NCS1: variants seen among roughly 807,000 people sequenced by gnomAD.
The protein encoded by NCS1 is frequenin homolog.
A neutral mutation model predicts 28.4 loss-of-function variants in NCS1; 6 were observed. The observed-to-expected ratio is 0.21, with a 90% CI of 0.12 to 0.42. The LOEUF is 0.42. Ranked by LOEUF, NCS1 falls within the 10% of genes least tolerant of loss-of-function variation. The pLI, the probability that NCS1 is intolerant of heterozygous loss-of-function variation, is 1.00. For synonymous variants in NCS1, 86 were observed against 99.3 expected (o/e 0.87, Z 0.79); for missense variants, 131 against 241.4 (o/e 0.54, Z 3.03).
chr9:130,200,470 GGGT>G, intron 1 of NCS1: 2 of 1,068,644 alleles, frequency 1.9e-6, no homozygotes, highest in South Asian at 1.4e-5. Flanking sequence ...CTGACAGGGA[GGGT>G]GGTCCACCCT....
Position 130,191,236 on chromosome 9 carries a change from G to A in NCS1, c.65-9722G>A, listed in dbSNP as rs1372224608. ...ATCCCTGCTGGACTGTGTGTCCCAA[G>A]CCGAGAGCCTGGCTTTAGAGGGCCT... On this transcript the variant is annotated intron_variant, in intron 1 of 7. Transcript: ENST00000372398. This position sits in a 1 kb window ranked among gnomAD's most constrained non-coding sequence, Gnocchi z 6.4. Among the ~76,000 whole-genome samples, 11 of 152,178 alleles carry A rather than the reference G, an allele frequency of 7.2e-5. No individual in the cohort carries two copies. The highest frequency in any genetic ancestry group is 2.7e-4 in the African/African-American group (11 of 41,450).
At chr9:130,190,032 A>AAGAGAGAGAGAGAGAG (rs34529294) in intron 1 of NCS1, among the ~76,000 whole-genome samples, 2,686 of 120,354 alleles carry the variant, frequency 0.022, 50 homozygotes, top group African/African-American at 0.044. Context: ...ATGTTTATGC[A>AAGAGAGAGAGAGAGAG]AGAGAGAGAG....
chr9:130,213,445 AT>A (rs1422437307), intron 2 of NCS1, among the ~76,000 whole-genome samples: 3 of 150,814 alleles, frequency 2.0e-5, no homozygotes, highest in Non-Finnish European at 2.9e-5. Flanking sequence ...CGCCCGGCTA[AT>A]TTTTTTGTAT....
rs74630369 is a variant in NCS1 at position 130,176,690 on chromosome 9, C to T, written c.64+3963C>T. On this transcript the variant is annotated intron_variant, in intron 1 of 7. Transcript: ENST00000372398. ...GCCTGCTCTTACGTGTAGCGGCCTC[C>T]GCAGCCCCACTTGTGAATTGTGAAG... 4.6e-3 allele frequency among the ~76,000 whole-genome samples: 707 copies of T among 152,342 alleles called. 7 individuals are homozygous for T. Among genetic ancestry groups the T allele is most frequent in the African/African-American group, 0.016 (671 of 41,576 alleles).
At chr9:130,188,750 T>TC (rs1554905928) in intron 1 of NCS1, among the ~76,000 whole-genome samples, 8 of 138,964 alleles carry the variant, frequency 5.8e-5, no homozygotes, top group South Asian at 4.6e-4. Context: ...GGGATCTCAC[T>TC]TTGTTGCCCA....
Position 130,219,639 on chromosome 9 carries a change from G to A in NCS1, c.229-86G>A, listed in dbSNP as rs1588123510. On this transcript the variant is annotated intron_variant, in intron 3 of 7. Coordinates refer to ENST00000372398, the MANE Select transcript of NCS1 (RefSeq NM_014286.4). The surrounding 1 kb of genome is among the most constrained non-coding windows in gnomAD (Gnocchi z 5.7). Reference sequence around the variant, plus strand: ...ATTGGCCACAGTGTCTGGAGCCTGCGACTGCCCCTCGCCCGTCCCGAGGTT... The same window carrying A: ...ATTGGCCACAGTGTCTGGAGCCTGCAACTGCCCCTCGCCCGTCCCGAGGTT... The A allele has an allele frequency of 9.5e-6, 12 of 1,264,044 alleles. No individual in the cohort carries two copies. Among genetic ancestry groups the A allele is most frequent in the Non-Finnish European group, 1.3e-5 (11 of 871,580 alleles). 78.3% of individuals were successfully genotyped at this position (1,264,044 alleles called of 1,614,324 possible).
At chr9:130,210,437 C>T (rs968081641) in intron 2 of NCS1, among the ~76,000 whole-genome samples, 1 of 151,594 alleles carries the variant, frequency 6.6e-6, no homozygotes, top group African/African-American at 2.4e-5. Context: ...AAGGACTTCC[C>T]ATGGGGCCAG....
chr9:130,174,410 T>TG (rs782774890), intron 1 of NCS1, among the ~76,000 whole-genome samples: 1 of 152,108 alleles, frequency 6.6e-6, no homozygotes, highest in Non-Finnish European at 1.5e-5. Flanking sequence ...CATTTACAGA[T>TG]GGGGAAACTA....
At position 130,226,975 on chromosome 9, in the gene NCS1, A is replaced by C. The variant is rs1833424441; in HGVS notation, c.*17+471A>C. On this transcript the variant is annotated intron_variant, in intron 7 of 7. Transcript: ENST00000372398. This position sits in a 1 kb window ranked among gnomAD's most constrained non-coding sequence, Gnocchi z 4.8. ...GAGGTGGAGATTGCAGTGAGCCGAGATCGTGCCACTGCACTCCAGCCTGGG... is the reference window on the plus strand; with the variant it reads ...GAGGTGGAGATTGCAGTGAGCCGAGCTCGTGCCACTGCACTCCAGCCTGGG... Among the ~76,000 whole-genome samples, 1 of 148,876 alleles carries C rather than the reference A, an allele frequency of 6.7e-6. No homozygotes were observed. The highest frequency in any genetic ancestry group is 1.5e-5 in the Non-Finnish European group (1 of 67,438).
At position 130,184,266 on chromosome 9, in the gene NCS1, A is replaced by G. The variant is rs1464328051; in HGVS notation, c.64+11539A>G. Among the ~76,000 whole-genome samples the G allele has an allele frequency of 2.6e-5, 4 of 152,020 alleles. 1 individual carries two copies. The highest frequency in any genetic ancestry group is 9.7e-5 in the African/African-American group (4 of 41,378). ...ACTGGGAGAGGGATGCTGAGCCAAG[A>G]TGGCTTTTCTGGTGGTCTGGTGTCC... On this transcript the variant is annotated intron_variant, in intron 1 of 7. Transcript: ENST00000372398.
At chr9:130,188,394 G>A (rs1292941351) in intron 1 of NCS1, among the ~76,000 whole-genome samples, 1 of 150,874 alleles carries the variant, frequency 6.6e-6, no homozygotes, top group Non-Finnish European at 1.5e-5. Flanking sequence ...TTGGGTTCCT[G>A]CTTCACATTT....
intron 6 of NCS1, among the ~76,000 whole-genome samples, chr9:130,223,936 G>T (rs10819617): frequency 0.94 from 142,816 of 151,800 alleles, 67,189 homozygotes; most frequent in East Asian, 1. Context: ...AAGCTCTGCC[G>T]CCTGGGTTCA....
At chr9:130,208,882 G>C (rs116693137) in intron 2 of NCS1, among the ~76,000 whole-genome samples, 1 of 152,274 alleles carries the variant, frequency 6.6e-6, no homozygotes, top group African/African-American at 2.4e-5. Flanking sequence ...AGCTCTGTGT[G>C]TGTGTGTGTG....
Position 130,181,579 on chromosome 9 carries a change from G to A in NCS1, c.64+8852G>A, listed in dbSNP as rs1832655266. Among the ~76,000 whole-genome samples the A allele has an allele frequency of 6.6e-6, 1 of 152,216 alleles. No homozygotes were observed. Among genetic ancestry groups the A allele is most frequent in the South Asian group, 2.1e-4 (1 of 4,832 alleles). ...AGAGCTGGCTCATGGTCCCACGGCTGGAGAGTGGTGCCATTGGGGTCTGAT... is the reference window on the plus strand; with the variant it reads ...AGAGCTGGCTCATGGTCCCACGGCTAGAGAGTGGTGCCATTGGGGTCTGAT... On this transcript the variant is annotated intron_variant, in intron 1 of 7. Coordinates refer to ENST00000372398, the MANE Select transcript of NCS1 (RefSeq NM_014286.4). This position sits in a 1 kb window ranked among gnomAD's most constrained non-coding sequence, Gnocchi z 5.0.
chr9:130,212,577 C>G (rs1349630436), intron 2 of NCS1, among the ~76,000 whole-genome samples: 1 of 150,990 alleles, frequency 6.6e-6, no homozygotes, highest in South Asian at 2.1e-4. Flanking sequence ...CCTCCCCCAG[C>G]ACAACAGGTT....
At chr9:130,193,415 G>A (rs1832841206) in intron 1 of NCS1, among the ~76,000 whole-genome samples, 1 of 152,086 alleles carries the variant, frequency 6.6e-6, no homozygotes, top group African/African-American at 2.4e-5. Context: ...CAGCAGCTGG[G>A]ATGGTGTGGG....
At position 130,219,392 on chromosome 9, in the gene NCS1, C is replaced by T. The variant is rs1418740509; in HGVS notation, c.229-333C>T. On this transcript the variant is annotated intron_variant, in intron 3 of 7. Transcript: ENST00000372398. The surrounding 1 kb of genome is among the most constrained non-coding windows in gnomAD (Gnocchi z 5.7). ...CCACAGCTCTAGGCCGAGGGGCTTC[C>T]GGGCTGTTGCTGAGAGGAGCTCAGG... Among the ~76,000 whole-genome samples, 1 of 152,202 alleles carries T rather than the reference C, an allele frequency of 6.6e-6. No homozygotes were observed. The highest frequency in any genetic ancestry group is 1.5e-5 in the Non-Finnish European group (1 of 68,028).
chr9:130,216,087 C>T (rs1270414916), intron 2 of NCS1, among the ~76,000 whole-genome samples: 1 of 152,242 alleles, frequency 6.6e-6, no homozygotes, highest in Non-Finnish European at 1.5e-5. Context: ...CACATGTGCC[C>T]AGGATCCATT....
In NCS1 at chr9:130,209,774, T is replaced by C. The variant is rs1833086021; in HGVS notation, c.90-8058T>C. ...TTAAAGAAGTGTAAGAACGCCGTTG[T>C]TGAATCTAGGATTTTCTTTTCTCAT... On this transcript the variant is annotated intron_variant, in intron 2 of 7. Coordinates refer to ENST00000372398, the MANE Select transcript of NCS1 (RefSeq NM_014286.4). This position sits in a 1 kb window ranked among gnomAD's most constrained non-coding sequence, Gnocchi z 4.4. Among the ~76,000 whole-genome samples, 3 of 152,210 alleles carry C rather than the reference T, an allele frequency of 2.0e-5. No individual in the cohort carries two copies. Among genetic ancestry groups the C allele is most frequent in the African/African-American group, 7.2e-5 (3 of 41,456 alleles).
Sources: gnomAD v4.1 joint callset for allele counts (sites outside exome capture counted in the v4.1 genomes callset) on GRCh38, gnomAD v4.1.1 for gene constraint, Gnocchi (gnomAD v3.1) non-coding constraint, MANE v1.5 for transcripts, NCBI Gene and HGNC (gene_info 2026-07-23, HGNC 2026-07-21) for gene names.